SCFD2: variants seen among roughly 807,000 people sequenced by gnomAD.
SCFD2 encodes the protein sec1 family domain containing 2.
In SCFD2, 54 loss-of-function variants were observed where a neutral mutation model predicts 58.9. The ratio of observed to expected loss-of-function variants is 0.92; its 90% CI spans 0.74 to 1.15. SCFD2 has a LOEUF of 1.15. Ranked by LOEUF, SCFD2 falls within the 50% of genes most tolerant of loss-of-function variation. The pLI is 0.00. For missense variants in SCFD2, 805 were observed against 836.6 expected, an observed-to-expected ratio of 0.96 and a Z score of 0.47; for synonymous variants, 321 against 335.9, an observed-to-expected ratio of 0.96 and a Z score of 0.49.
intron 2 of SCFD2, among the ~76,000 whole-genome samples, chr4:53,333,128 G>A (rs1158046458): frequency 2.5e-5 from 3 of 121,992 alleles, no homozygotes; most frequent in African/African-American, 6.3e-5. Flanking sequence ...AACATTCCAT[G>A]CTCATGGGTA....
intron 3 of SCFD2, among the ~76,000 whole-genome samples, chr4:53,300,919 A>C (rs1177562877): frequency 6.6e-6 from 1 of 152,210 alleles, no homozygotes. Context: ...AAGACACAAC[A>C]TATCAGAATC....
chr4:53,245,241 C>T (rs1194450142), intron 4 of SCFD2, among the ~76,000 whole-genome samples: 2 of 151,968 alleles, frequency 1.3e-5, no homozygotes, highest in African/African-American at 4.8e-5. Flanking sequence ...AGGGACTCTT[C>T]CCTATCTCAG....
chr4:53,033,996 C>A (rs527397079), intron 5 of SCFD2, among the ~76,000 whole-genome samples: 2 of 152,248 alleles, frequency 1.3e-5, no homozygotes, highest in South Asian at 4.1e-4. Flanking sequence ...CAAAACCTGG[C>A]AGAGACACAA....
At chr4:53,216,567 A>G (rs1460347709) in intron 4 of SCFD2, among the ~76,000 whole-genome samples, 1 of 151,692 alleles carries the variant, frequency 6.6e-6, no homozygotes, top group Non-Finnish European at 1.5e-5. Flanking sequence ...CTAGCTGTCT[A>G]TCAATTTTGC....
chr4:52,979,067 G>GGC (rs1029968902), intron 5 of SCFD2, among the ~76,000 whole-genome samples: 270 of 150,528 alleles, frequency 1.8e-3, no homozygotes, highest in Non-Finnish European at 3.2e-3. Flanking sequence ...CCTTTTTTTG[G>GGC]GGGGGGGAGT....
intron 4 of SCFD2, among the ~76,000 whole-genome samples, chr4:53,216,063 G>T (rs1234265196): frequency 6.6e-6 from 1 of 152,122 alleles, no homozygotes; most frequent in African/African-American, 2.4e-5. Flanking sequence ...TGTTATTGAG[G>T]ATTTTTGCAT....
At chr4:53,290,850 G>C (rs1178315123) in intron 3 of SCFD2, among the ~76,000 whole-genome samples, 1 of 152,014 alleles carries the variant, frequency 6.6e-6, no homozygotes, top group Non-Finnish European at 1.5e-5. Context: ...GGATAACCTA[G>C]AGAAAATTGA....
At chr4:52,885,673 T>C (rs1718721323) in intron 8 of SCFD2, 74 bp downstream of exon 8, 1 of 1,567,758 alleles carries the variant, frequency 6.4e-7, no homozygotes, top group Non-Finnish European at 8.7e-7. Flanking sequence ...CTGGGACCCA[T>C]AGGTGGAGGG....
intron 5 of SCFD2, among the ~76,000 whole-genome samples, chr4:53,101,156 G>A (rs1724822994): frequency 1.3e-5 from 2 of 152,154 alleles, no homozygotes. Flanking sequence ...GCATTATAAA[G>A]AGGATTGACT....
intron 5 of SCFD2, among the ~76,000 whole-genome samples, chr4:53,057,141 C>T (rs1385509730): frequency 4.6e-5 from 7 of 152,170 alleles, no homozygotes; most frequent in Middle Eastern, 6.8e-3. Context: ...GCTGAGATCG[C>T]ACCACTGCAT....
intron 4 of SCFD2, among the ~76,000 whole-genome samples, chr4:53,220,979 T>C (rs1218750823): frequency 6.6e-6 from 1 of 152,186 alleles, no homozygotes; most frequent in East Asian, 1.9e-4. Context: ...TTTACTTTAA[T>C]CATAGAAAAA....
chr4:53,336,354 C>T (rs1452713648), intron 2 of SCFD2, among the ~76,000 whole-genome samples: 2 of 152,002 alleles, frequency 1.3e-5, no homozygotes, highest in Non-Finnish European at 2.9e-5. Context: ...CTATAAAGTA[C>T]AAATATAAAG....
intron 6 of SCFD2, among the ~76,000 whole-genome samples, chr4:52,919,946 G>A (rs929004111): frequency 7.2e-5 from 11 of 152,190 alleles, no homozygotes; most frequent in Admixed American, 3.9e-4. Context: ...GTTTTATGGA[G>A]AAATAAATAA....
intron 3 of SCFD2, among the ~76,000 whole-genome samples, chr4:53,306,459 T>C (rs1732517446): frequency 6.6e-6 from 1 of 152,118 alleles, no homozygotes; most frequent in African/African-American, 2.4e-5. Context: ...ATAATACGTA[T>C]CAGAAAGGAA....
chr4:53,281,593 T>C (rs972774778), intron 3 of SCFD2, among the ~76,000 whole-genome samples: 4 of 152,184 alleles, frequency 2.6e-5, no homozygotes. Context: ...GAGGCTACCC[T>C]GAGCACATGT....
chr4:52,935,576 G>A (rs948492970), intron 5 of SCFD2, among the ~76,000 whole-genome samples: 9 of 152,136 alleles, frequency 5.9e-5, no homozygotes, highest in South Asian at 2.1e-4. Flanking sequence ...CCTCCCCTAC[G>A]GTATGTAAAC....
At chr4:53,150,728 T>C (rs1726481026) in intron 4 of SCFD2, among the ~76,000 whole-genome samples, 1 of 152,196 alleles carries the variant, frequency 6.6e-6, no homozygotes, top group South Asian at 2.1e-4. Flanking sequence ...ATGGAAACAA[T>C]ACCATAAATG....
chr4:52,903,058 C>T (rs758880429), intron 7 of SCFD2, among the ~76,000 whole-genome samples: 2 of 152,176 alleles, frequency 1.3e-5, no homozygotes, highest in Non-Finnish European at 2.9e-5. Flanking sequence ...CCTATGTGAC[C>T]ACTCTGTGAG....
intron 4 of SCFD2, among the ~76,000 whole-genome samples, chr4:53,214,523 T>C (rs1235518929): frequency 2.6e-5 from 4 of 152,132 alleles, no homozygotes; most frequent in Non-Finnish European, 5.9e-5. Context: ...TGTAAATTTG[T>C]TTGAGTTCAT....
Sources: gnomAD v4.1 joint callset for allele counts (sites outside exome capture counted in the v4.1 genomes callset) on GRCh38, gnomAD v4.1.1 for gene constraint, MANE v1.5 for transcripts, NCBI Gene and HGNC (gene_info 2026-07-23, HGNC 2026-07-21) for gene names.